The following EXT1 variants were observed in gnomAD, a reference collection of about 807,000 sequenced individuals.
The protein encoded by EXT1 is exostosin-1.
A neutral mutation model predicts 82.5 loss-of-function variants in EXT1; 20 were observed. The observed-to-expected ratio is 0.24, with a 90% confidence interval of 0.17 to 0.35. The LOEUF is 0.35. Ranked by LOEUF, EXT1 falls within the 10% of genes least tolerant of loss-of-function variation. EXT1 has a pLI of 1.00. For missense variants in EXT1, 757 were observed against 936.5 expected, an observed-to-expected ratio of 0.81 and a Z score of 2.50; for synonymous variants, 348 against 350.8, an observed-to-expected ratio of 0.99 and a Z score of 0.09.
chr8:117,898,845 C>T (rs1331439656), intron 1 of EXT1, among the ~76,000 whole-genome samples: 1 of 151,406 alleles, frequency 6.6e-6, no homozygotes, highest in Non-Finnish European at 1.5e-5. Context: ...AATGAATGAA[C>T]ACAGCTCTTC....
In EXT1 at chr8:117,851,616, G is replaced by GACACACACACACACACACACAC. The variant is rs35686154; in HGVS notation, c.963-14437_963-14416dup. The stretch of plus-strand genomic sequence containing the variant: ...CTAAGAAAGCAGTGCAATTTAGCTG[G>GACACACACACACACACACACAC]ACACACACACACACACACACACACA... On this transcript the variant is annotated intron_variant, in intron 1 of 10. Coordinates refer to ENST00000378204, the MANE Select transcript of EXT1 (RefSeq NM_000127.3). 4.7e-4 allele frequency among the ~76,000 whole-genome samples: 70 copies of GACACACACACACACACACACAC among 148,010 alleles called. 1 individual carries two copies. The East Asian group carries it at 0.011, about 23-fold the overall frequency.
intron 8 of EXT1, among the ~76,000 whole-genome samples, chr8:117,811,618 A>AT (rs111956885): frequency 0.11 from 15,583 of 143,014 alleles, 852 homozygotes; most frequent in East Asian, 0.16. Flanking sequence ...CATCTATGGA[A>AT]TTTTTTTTTT....
At chr8:117,877,004 A>G (rs1812983034) in intron 1 of EXT1, among the ~76,000 whole-genome samples, 1 of 152,214 alleles carries the variant, frequency 6.6e-6, no homozygotes, top group African/African-American at 2.4e-5. Context: ...CGTTTTTCTA[A>G]CAGAGAACCC....
At chr8:118,037,823 AAG>A (rs980532054) in intron 1 of EXT1, among the ~76,000 whole-genome samples, 4 of 151,148 alleles carry the variant, frequency 2.6e-5, no homozygotes, top group African/African-American at 7.3e-5. Flanking sequence ...TTGTATCAAC[AAG>A]AGTGTTTTTT....
At position 118,056,321 on chromosome 8, in the gene EXT1, G is replaced by T. The variant is rs918088252; in HGVS notation, c.962+53764C>A. Among the ~76,000 whole-genome samples the T allele has an allele frequency of 5.3e-5, 8 of 152,192 alleles. No homozygotes were observed. The South Asian group carries it at 1.7e-3, about 32-fold the overall frequency. Reference sequence around the variant, plus strand: ...ACACACCAATATAACCTTTCCCCTGGGTCTAACAGGACAGCACTAGTGAGA... The same window carrying T: ...ACACACCAATATAACCTTTCCCCTGTGTCTAACAGGACAGCACTAGTGAGA... On this transcript the variant is annotated intron_variant, in intron 1 of 10. Transcript: ENST00000378204.
chr8:118,106,109 C>T (rs1191130484), intron 1 of EXT1, among the ~76,000 whole-genome samples: 1 of 152,140 alleles, frequency 6.6e-6, no homozygotes, highest in Non-Finnish European at 1.5e-5. Flanking sequence ...ATGCCCTCAG[C>T]GGGAGGTGTG....
At chr8:117,930,702 T>C (rs922469079) in intron 1 of EXT1, among the ~76,000 whole-genome samples, 1 of 152,218 alleles carries the variant, frequency 6.6e-6, no homozygotes, top group Non-Finnish European at 1.5e-5. Flanking sequence ...TGACTCCATC[T>C]TGAGTAGGGG....
At chr8:117,820,110 ACACT>A (rs1208615388) in intron 5 of EXT1, among the ~76,000 whole-genome samples, 2 of 152,190 alleles carry the variant, frequency 1.3e-5, no homozygotes, top group Non-Finnish European at 2.9e-5. Flanking sequence ...AATACACACA[ACACT>A]CACCACCCTT....
chr8:118,111,190 C>T lies in EXT1; in HGVS notation c.-144G>A. The T allele has an allele frequency of 2.5e-6, 3 of 1,208,736 alleles. No individual in the cohort carries two copies. Among genetic ancestry groups the T allele is most frequent in the South Asian group, 2.6e-5 (2 of 76,670 alleles). 74.9% of individuals were successfully genotyped at this position (1,208,736 alleles called of 1,614,324 possible). A position where few individuals can be genotyped will look rare whatever the true frequency, so the allele number is the denominator to read the frequency against. ...TCCCACCTTCTCTGGATGCCTTTCCCCAAGCCGTGGACTGATCCAGCGCAT... is the reference window on the plus strand; with the variant it reads ...TCCCACCTTCTCTGGATGCCTTTCCTCAAGCCGTGGACTGATCCAGCGCAT... On this transcript the variant is annotated 5_prime_UTR_variant, in exon 1 of 11. Transcript: ENST00000378204.
intron 7 of EXT1, among the ~76,000 whole-genome samples, chr8:117,814,108 A>C (rs901526567): frequency 1.3e-5 from 2 of 152,064 alleles, no homozygotes; most frequent in Non-Finnish European, 2.9e-5. Context: ...AAGGAGAAGA[A>C]GAAGAAAAAA....
intron 1 of EXT1, among the ~76,000 whole-genome samples, chr8:118,071,959 G>A (rs1047016323): frequency 6.6e-6 from 1 of 152,106 alleles, no homozygotes; most frequent in South Asian, 2.1e-4. Context: ...AATTACACAG[G>A]TGAGTAGGTT....
chr8:117,992,140 G>A (rs1049125103), intron 1 of EXT1, among the ~76,000 whole-genome samples: 1 of 152,052 alleles, frequency 6.6e-6, no homozygotes, highest in African/African-American at 2.4e-5. Context: ...GCCCACAGGG[G>A]CTCCTCCTTT....
At chr8:118,019,765 G>A (rs1474274721) in intron 1 of EXT1, among the ~76,000 whole-genome samples, 1 of 152,174 alleles carries the variant, frequency 6.6e-6, no homozygotes, top group Non-Finnish European at 1.5e-5. Flanking sequence ...GAGGAACTGA[G>A]ACAAAACTTA....
intron 1 of EXT1, among the ~76,000 whole-genome samples, chr8:118,056,440 A>G (rs1816795155): frequency 6.6e-6 from 1 of 152,198 alleles, no homozygotes; most frequent in Non-Finnish European, 1.5e-5. Flanking sequence ...GTGAAACCCA[A>G]CTAGTTTCCA....
At chr8:118,107,469 C>T (rs984820095) in intron 1 of EXT1, among the ~76,000 whole-genome samples, 5 of 152,176 alleles carry the variant, frequency 3.3e-5, no homozygotes, top group African/African-American at 1.2e-4. Context: ...AGAAGTCAAA[C>T]TTACACAGAT....
intron 1 of EXT1, among the ~76,000 whole-genome samples, chr8:117,979,741 G>A (rs1218666925): frequency 6.6e-6 from 1 of 152,162 alleles, no homozygotes; most frequent in African/African-American, 2.4e-5. Flanking sequence ...TGAATGGGTA[G>A]AATGACTCTT....
Position 117,900,519 on chromosome 8 carries a change from G to A in EXT1, c.963-63318C>T, listed in dbSNP as rs147479228. ...ATGCCATGAAATAAATTCATTGTTGGAGGCTGCTGACCACCCCAAGTCTAA... is the reference window on the plus strand; with the variant it reads ...ATGCCATGAAATAAATTCATTGTTGAAGGCTGCTGACCACCCCAAGTCTAA... On this transcript the variant is annotated intron_variant, in intron 1 of 10. Coordinates refer to ENST00000378204, the MANE Select transcript of EXT1 (RefSeq NM_000127.3). 1.6e-4 allele frequency among the ~76,000 whole-genome samples: 24 copies of A among 152,300 alleles called. No homozygotes were observed. In the East Asian group the frequency reaches 1.9e-3, roughly 12 times the overall value.
At chr8:117,962,794 C>T (rs1814729879) in intron 1 of EXT1, among the ~76,000 whole-genome samples, 1 of 139,660 alleles carries the variant, frequency 7.2e-6, no homozygotes. Context: ...AAAATGGTGG[C>T]ACACACCTGT....
intron 1 of EXT1, among the ~76,000 whole-genome samples, chr8:118,024,683 T>C (rs1276794206): frequency 9.9e-5 from 15 of 152,002 alleles, no homozygotes; most frequent in Admixed American, 9.8e-4. Flanking sequence ...TGTAACAGAG[T>C]GACAGCTAAT....
Sources: gnomAD v4.1 joint callset for allele counts (sites outside exome capture counted in the v4.1 genomes callset) on GRCh38, gnomAD v4.1.1 for gene constraint, MANE v1.5 for transcripts, NCBI Gene and HGNC (gene_info 2026-07-23, HGNC 2026-07-21) for gene names.